The following NLRP11 variants were observed in gnomAD, a reference collection of about 807,000 sequenced individuals.
NLRP11 encodes the protein NLR family pyrin domain containing 11.
A neutral mutation model predicts 79.3 loss-of-function variants in NLRP11; 53 were observed. That is an observed-to-expected ratio of 0.67 (90% confidence interval 0.54 to 0.84). The LOEUF is 0.84. NLRP11 is among the 40% of genes least tolerant of loss of function. NLRP11 has a pLI of 0.00. For synonymous variants in NLRP11, 518 were observed against 462.6 expected, an observed-to-expected ratio of 1.12 and a Z score of -1.54; for missense variants, 1,264 against 1,255.0, an observed-to-expected ratio of 1.01 and a Z score of -0.11.
intron 4 of NLRP11, among the ~76,000 whole-genome samples, chr19:55,807,594 T>G (rs1046644818): frequency 1.3e-5 from 2 of 152,146 alleles, no homozygotes; most frequent in Non-Finnish European, 2.9e-5. Context: ...CTGAAGCTTC[T>G]AGATAAACCT....
At chr19:55,828,630 T>C (rs1381934357) in intron 1 of NLRP11, among the ~76,000 whole-genome samples, 1 of 152,110 alleles carries the variant, frequency 6.6e-6, no homozygotes. Flanking sequence ...CATTAAATGG[T>C]GCTGAGAAAT....
exon 2 of NLRP11, chr19:55,817,946 G>C: frequency 6.2e-7 from 1 of 1,612,468 alleles, no homozygotes; most frequent in Non-Finnish European, 8.5e-7. Context: ...TCTTCCTTAC[G>C]CATCATTGAA....
intron 5 of NLRP11, among the ~76,000 whole-genome samples, chr19:55,797,501 GAAGA>G (rs1568630791): frequency 1.3e-5 from 2 of 152,180 alleles, no homozygotes; most frequent in African/African-American, 4.8e-5. Context: ...CAGAAAACTG[GAAGA>G]AATACGATGG....
At position 55,809,987 on chromosome 19, in the gene NLRP11, G is replaced by T; in HGVS notation, c.623C>A (p.Pro208His). 1 of 1,614,234 alleles carries T rather than the reference G, an allele frequency of 6.2e-7. No homozygotes were observed. Among genetic ancestry groups the T allele is most frequent in the Non-Finnish European group, 8.5e-7 (1 of 1,180,040 alleles). ...GTCTGCAATGGGAGCCTGGCCGTCA[G>T]GCCAGTCCTTGGCGATTAGCTCAGC... is the stretch of plus-strand genomic sequence containing the variant. Residue 208 changes from proline to histidine, a missense_variant, in exon 3 of 10, where the codon CCT becomes CAT. Transcript: ENST00000589093. This position sits in a 1 kb window ranked among gnomAD's most constrained non-coding sequence, Gnocchi z 4.5.
intron 3 of NLRP11, 71 bp downstream of exon 3, chr19:55,808,698 G>C: frequency 7.1e-7 from 1 of 1,417,760 alleles, no homozygotes; most frequent in Non-Finnish European, 9.6e-7. Context: ...TCTTGTTCTG[G>C]TCAACAAGCT....
chr19:55,792,223 AT>A (rs1568627494), intron 7 of NLRP11, 77 bp downstream of exon 7: 1 of 1,279,350 alleles, frequency 7.8e-7, no homozygotes, highest in African/African-American at 1.5e-5. Flanking sequence ...CTGGAATCTT[AT>A]CCCTGCCACC....
At chr19:55,798,006 T>TA (rs1194712864) in intron 5 of NLRP11, among the ~76,000 whole-genome samples, 12 of 151,468 alleles carry the variant, frequency 7.9e-5, no homozygotes, top group Admixed American at 3.9e-4. Flanking sequence ...ATTATTTTTT[T>TA]TTTTTTTGAG....
chr19:55,800,879 C>G (rs1979412607), intron 5 of NLRP11, among the ~76,000 whole-genome samples: 1 of 152,044 alleles, frequency 6.6e-6, no homozygotes, highest in African/African-American at 2.4e-5. Flanking sequence ...GGGTTAAATA[C>G]TGTTAAAATT....
chr19:55,836,547 A>C (rs1041839548), upstream of NLRP11: 15 of 152,314 alleles, frequency 9.8e-5, no homozygotes, highest in Admixed American at 7.9e-4. Flanking sequence ...ATTAAGGACC[A>C]GGAAGGCGTG....
intron 3 of NLRP11, 63 bp from the exon 4 acceptor site, chr19:55,808,077 A>G: frequency 8.8e-7 from 1 of 1,142,182 alleles, no homozygotes; most frequent in Non-Finnish European, 1.3e-6. Context: ...TTTGTAAAAC[A>G]TGTAAATTAA....
chr19:55,799,332 G>A (rs1349328884), intron 5 of NLRP11, among the ~76,000 whole-genome samples: 1 of 152,166 alleles, frequency 6.6e-6, no homozygotes, highest in Non-Finnish European at 1.5e-5. Flanking sequence ...AGAAATGTTT[G>A]TAAATAAGTA....
At chr19:55,790,854 A>G (rs533006172) in intron 7 of NLRP11, among the ~76,000 whole-genome samples, 2 of 152,310 alleles carry the variant, frequency 1.3e-5, no homozygotes, top group East Asian at 3.9e-4. Context: ...AACTTAGAGG[A>G]AAATAAAGGG....
intron 1 of NLRP11, among the ~76,000 whole-genome samples, chr19:55,827,948 T>C (rs1372738399): frequency 1.3e-5 from 2 of 151,952 alleles, no homozygotes; most frequent in South Asian, 2.1e-4. Context: ...ATCATGCTGC[T>C]ATAAAGACAC....
chr19:55,830,102 G>C (rs1422365913), intron 1 of NLRP11, among the ~76,000 whole-genome samples: 2 of 152,138 alleles, frequency 1.3e-5, no homozygotes, highest in Non-Finnish European at 2.9e-5. Flanking sequence ...AACCTGTATT[G>C]TTCAAGGGTC....
At chr19:55,831,478 C>G (rs964115574) in intron 1 of NLRP11, among the ~76,000 whole-genome samples, 1 of 152,098 alleles carries the variant, frequency 6.6e-6, no homozygotes, top group Non-Finnish European at 1.5e-5. Context: ...GGGAGAGTCA[C>G]TTGAACCCAG....
At chr19:55,815,786 G>A (rs1981060320) in intron 2 of NLRP11, among the ~76,000 whole-genome samples, 1 of 152,126 alleles carries the variant, frequency 6.6e-6, no homozygotes. Context: ...CAGAGATGGA[G>A]GAAGCAACAA....
At chr19:55,830,598 T>TTAAA (rs752782865) in intron 1 of NLRP11, among the ~76,000 whole-genome samples, 3 of 129,226 alleles carry the variant, frequency 2.3e-5, no homozygotes, top group Non-Finnish European at 3.2e-5. Context: ...CTTAGCTTCC[T>TTAAA]AAAAAAAAAA....
chr19:55,820,227 A>G (rs928701135), intron 1 of NLRP11, among the ~76,000 whole-genome samples: 2 of 152,134 alleles, frequency 1.3e-5, no homozygotes, highest in African/African-American at 2.4e-5. Flanking sequence ...AGAAAAAACA[A>G]TAAGGAAGTC....
At chr19:55,814,727 G>C (rs1980917387) in intron 2 of NLRP11, among the ~76,000 whole-genome samples, 1 of 152,202 alleles carries the variant, frequency 6.6e-6, no homozygotes, top group Admixed American at 6.5e-5. Flanking sequence ...CCAGAAGCTG[G>C]TAGTGTGCAC....
Sources: allele counts gnomAD v4.1 joint callset (sites outside exome capture counted in the v4.1 genomes callset), GRCh38; gene constraint gnomAD v4.1.1; non-coding constraint Gnocchi (gnomAD v3.1); transcripts MANE v1.5; gene names NCBI Gene and HGNC (gene_info 2026-07-23, HGNC 2026-07-21).